TC2N: variants seen among roughly 807,000 people sequenced by gnomAD.
The protein encoded by TC2N is tandem C2 domains, nuclear, also known as tandem C2 domains nuclear protein.
In TC2N, 51 loss-of-function variants were observed where a neutral mutation model predicts 61.9. The ratio of observed to expected loss-of-function variants is 0.82; its 90% CI spans 0.66 to 1.04. TC2N has a LOEUF of 1.04. Ranked by LOEUF, TC2N falls within the 50% of genes least tolerant of loss-of-function variation. The probability of loss-of-function intolerance (pLI) is 0.00; values close to 1 mark genes in which losing one functional copy is unlikely to be tolerated. For synonymous variants in TC2N, 204 were observed against 192.6 expected (o/e 1.06, Z -0.49); for missense variants, 556 against 566.7 (o/e 0.98, Z 0.19).
At chr14:91,822,635 TGAAGCACAGA>T (rs1887304470) in intron 1 of TC2N, among the ~76,000 whole-genome samples, 1 of 150,598 alleles carries the variant, frequency 6.6e-6, no homozygotes, top group Non-Finnish European at 1.5e-5. Flanking sequence ...AGTGGGGAGA[TGAAGCACAGA>T]GAGGGACAGA....
In TC2N at chr14:91,791,836, G is replaced by A. The variant is rs190709202; in HGVS notation, c.1047+531C>T. On this transcript the variant is annotated intron_variant, in intron 9 of 11. Coordinates refer to ENST00000435962, the MANE Select transcript of TC2N (RefSeq NM_001128596.3). The stretch of plus-strand genomic sequence containing the variant: ...ATTAATAAGAAATGTGCCAGGAGAG[G>A]CCAGGCGCAGTGGCTCACGCCTGTA... Among the ~76,000 whole-genome samples the A allele has an allele frequency of 4.8e-4, 73 of 152,300 alleles. No individual in the cohort carries two copies. The East Asian group carries it at 0.012, about 25-fold the overall frequency.
At chr14:91,799,213 GA>G (rs35831554) in intron 5 of TC2N, 149 bp from the exon 6 acceptor site, 112,263 of 382,686 alleles carry the variant, frequency 0.29, 921 homozygotes, top group South Asian at 0.36. Flanking sequence ...ACAGGTAGTG[GA>G]AAAAAAAAAA....
rs1389014570 is a variant in TC2N, at chr14:91,782,389, T to C, written c.*711A>G. The stretch of plus-strand genomic sequence containing the variant: ...CAAATAAAACAAATAGTAAAATATT[T>C]GAGGGAAGAAAACAGCAAAGTATGT... On this transcript the variant is annotated 3_prime_UTR_variant, in exon 12 of 12. Transcript: ENST00000435962. 1 of 151,978 alleles carries C rather than the reference T, an allele frequency of 6.6e-6. No homozygotes were observed. The highest frequency in any genetic ancestry group is 2.4e-5 in the African/African-American group (1 of 41,438). The allele number at this position is 151,978 out of a possible 1,614,324, so 9.4% of individuals were successfully genotyped here.
intron 8 of TC2N, among the ~76,000 whole-genome samples, chr14:91,795,628 T>C (rs192804893): frequency 1.4e-4 from 22 of 152,316 alleles, no homozygotes; most frequent in Admixed American, 1.4e-3. Flanking sequence ...TTAGACATAA[T>C]GCTATTGCAC....
intron 1 of TC2N, among the ~76,000 whole-genome samples, chr14:91,853,015 G>T (rs948756726): frequency 3.3e-5 from 5 of 152,164 alleles, no homozygotes; most frequent in Admixed American, 2.0e-4. Flanking sequence ...AGCTTGCAGT[G>T]AGCTGAGATC....
intron 1 of TC2N, among the ~76,000 whole-genome samples, chr14:91,821,416 A>G (rs1887246064): frequency 6.6e-6 from 1 of 152,002 alleles, no homozygotes; most frequent in Non-Finnish European, 1.5e-5. Context: ...GAATATCAAT[A>G]TTTATATCCA....
At chr14:91,865,915 A>G (rs1595283632) in intron 1 of TC2N, among the ~76,000 whole-genome samples, 1 of 152,274 alleles carries the variant, frequency 6.6e-6, no homozygotes, top group East Asian at 1.9e-4. Context: ...CTTTTTATAA[A>G]GTTTTAATAA....
At position 91,785,175 on chromosome 14, in the gene TC2N, T is replaced by G; in HGVS notation, c.1349A>C (p.His450Pro). ...LYSRSSVRRK[H>P]FVGQIWISED... ...ACTCCTACTAACCTGGCCCACAAAGTGTTTTCTTCTTACAGAGCTTCGACT... is the reference window on the plus strand; with the variant it reads ...ACTCCTACTAACCTGGCCCACAAAGGGTTTTCTTCTTACAGAGCTTCGACT... The change falls in exon 11 of 12, where the codon CAC (histidine) becomes CCC (proline). Residue 450 changes from histidine (H) to proline (P), a missense_variant. Physicochemically the swap from His to Pro is moderately conservative, Grantham distance 77. Transcript: ENST00000435962. 1.2e-6 allele frequency: 2 copies of G among 1,612,454 alleles called. No individual in the cohort carries two copies. Among genetic ancestry groups the G allele is most frequent in the South Asian group, 2.2e-5 (2 of 90,826 alleles).
rs1186850441 is a variant in TC2N at position 91,812,634 on chromosome 14, C to A, written c.68-89G>T. On this transcript the variant is annotated intron_variant, in intron 2 of 11. Coordinates refer to ENST00000435962, the MANE Select transcript of TC2N (RefSeq NM_001128596.3). ...TAGCATACTTTGATATTTATTTAAC[C>A]ATTTTAGAAGAAATTCCTGACACAT... 9.2e-6 allele frequency: 6 copies of A among 655,570 alleles called. No homozygotes were observed. The Admixed American group carries it at 1.5e-4, about 16-fold the overall frequency. 40.6% of individuals were successfully genotyped at this position (655,570 alleles called of 1,614,324 possible).
At chr14:91,814,531 A>G (rs1354904001) in intron 1 of TC2N, among the ~76,000 whole-genome samples, 3 of 151,364 alleles carry the variant, frequency 2.0e-5, no homozygotes, top group Admixed American at 6.6e-5. Flanking sequence ...AGAAGTATAA[A>G]AGGGCAGACA....
intron 1 of TC2N, among the ~76,000 whole-genome samples, chr14:91,856,264 G>A (rs1888480835): frequency 1.3e-5 from 2 of 152,138 alleles, no homozygotes; most frequent in South Asian, 4.1e-4. Flanking sequence ...AGAGGTGGGC[G>A]AATCACTTGA....
chr14:91,802,522 G>A (rs1886308927), intron 3 of TC2N, 101 bp from the exon 4 acceptor site: 2 of 1,015,632 alleles, frequency 2.0e-6, no homozygotes, highest in South Asian at 3.0e-5. Context: ...TTTGTCTCAA[G>A]TAATACTAAA....
intron 8 of TC2N, among the ~76,000 whole-genome samples, chr14:91,794,656 CA>C (rs994179426): frequency 0.017 from 2,361 of 142,956 alleles, 51 homozygotes; most frequent in African/African-American, 0.053. Flanking sequence ...ATCTACTGCT[CA>C]AAAAAAAAAA....
intron 6 of TC2N, 135 bp downstream of exon 6, chr14:91,798,850 TTTTA>T: frequency 1.7e-6 from 1 of 590,206 alleles, no homozygotes; most frequent in South Asian, 2.3e-5. Flanking sequence ...ACCAACATAG[TTTTA>T]TTTAGACTTA....
chr14:91,806,420 T>C (rs1490231462), intron 3 of TC2N, among the ~76,000 whole-genome samples: 3 of 152,182 alleles, frequency 2.0e-5, no homozygotes, highest in Non-Finnish European at 2.9e-5. Flanking sequence ...TAGAGACTTG[T>C]TGAGTGGCTT....
At chr14:91,855,004 G>A (rs1888455468) in intron 1 of TC2N, among the ~76,000 whole-genome samples, 1 of 152,176 alleles carries the variant, frequency 6.6e-6, no homozygotes, top group Non-Finnish European at 1.5e-5. Flanking sequence ...ACAATGGGCT[G>A]GGAGCTGAGT....
At chr14:91,858,414 G>T (rs1888527922) in intron 1 of TC2N, among the ~76,000 whole-genome samples, 1 of 152,104 alleles carries the variant, frequency 6.6e-6, no homozygotes, top group Non-Finnish European at 1.5e-5. Context: ...AGGTCACACA[G>T]CAGAGAGAAT....
intron 1 of TC2N, chr14:91,836,607 A>AGGCGGGGAGGGGCGAGGCAG (rs1380351982): frequency 6.5e-4 from 93 of 144,142 alleles, no homozygotes; most frequent in African/African-American, 2.3e-3. Context: ...GGGCGAGGCA[A>AGGCGGGGAGGGGCGAGGCAG]GGCGGGGAGG....
chr14:91,803,593 C>T (rs1246241169), intron 3 of TC2N, among the ~76,000 whole-genome samples: 1 of 151,982 alleles, frequency 6.6e-6, no homozygotes, highest in Non-Finnish European at 1.5e-5. Flanking sequence ...GCTGGGATTA[C>T]AGGCACACGC....
Sources: gnomAD v4.1 joint callset for allele counts (sites outside exome capture counted in the v4.1 genomes callset) on GRCh38, gnomAD v4.1.1 for gene constraint, MANE v1.5 for transcripts, NCBI Gene and HGNC (gene_info 2026-07-23, HGNC 2026-07-21) for gene names.